Variants in SMARCA2 observed in about 807,000 individuals in gnomAD.
SMARCA2 encodes SWI/SNF-related matrix-associated actin-dependent regulator of chromatin subfamily A member 2.
Under a neutral mutation model 199.8 loss-of-function variants are expected in SMARCA2, and 61 were observed. The observed-to-expected ratio is 0.31, with a 90% CI of 0.25 to 0.38. The LOEUF is 0.38. SMARCA2 is among the 10% of genes least tolerant of loss of function. The probability of loss-of-function intolerance (pLI) is 1.00; values close to 1 mark genes in which losing one functional copy is unlikely to be tolerated. For missense variants in SMARCA2, 1,344 were observed against 2,012.2 expected (o/e 0.67, Z 6.35); for synonymous variants, 935 against 732.0 (o/e 1.28, Z -4.48).
chr9:2,184,419 C>A lies in SMARCA2; in HGVS notation c.4462-1677C>A, dbSNP rs139034972. ...CCAGGCTGGAATGCAGTGGTGCCAT[C>A]TCGGCTCGCTGCAAACTCTGCCTCC... On this transcript the variant is annotated intron_variant, in intron 31 of 33. Transcript: ENST00000349721. Among the ~76,000 whole-genome samples, 1,023 of 144,456 alleles carry A rather than the reference C, an allele frequency of 7.1e-3. 19 individuals carry two copies. The highest frequency in any genetic ancestry group is 0.025 in the African/African-American group (983 of 38,624). The allele number at this position is 144,456 out of a possible 152,430, so 94.8% of individuals were successfully genotyped here. A position where few individuals can be genotyped will look rare whatever the true frequency, so the allele number is the denominator to read the frequency against.
chr9:2,084,582 G>T (rs1317245950), intron 17 of SMARCA2, among the ~76,000 whole-genome samples: 1 of 152,140 alleles, frequency 6.6e-6, no homozygotes, highest in African/African-American at 2.4e-5. Context: ...GATATTGTCA[G>T]TGTACCTTCA....
chr9:2,092,366 A>G (rs1822097718), intron 19 of SMARCA2, among the ~76,000 whole-genome samples: 1 of 152,196 alleles, frequency 6.6e-6, no homozygotes, highest in South Asian at 2.1e-4. Context: ...ATTATATCAA[A>G]TTTTGGAATG....
intron 27 of SMARCA2, among the ~76,000 whole-genome samples, chr9:2,144,226 A>G (rs1350732379): frequency 6.6e-6 from 1 of 152,180 alleles, no homozygotes; most frequent in African/African-American, 2.4e-5. Context: ...ATGTGGTTGC[A>G]TTCCTCAGTC....
intron 9 of SMARCA2, 27 bp from the exon 10 acceptor site, chr9:2,070,391 A>G (rs779755305): frequency 5.6e-6 from 9 of 1,608,508 alleles, no homozygotes; most frequent in Non-Finnish European, 7.7e-6. Context: ...TTGGTTACTT[A>G]TAACATTCGA....
intron 9 of SMARCA2, among the ~76,000 whole-genome samples, chr9:2,064,042 T>C (rs1009798644): frequency 2.0e-5 from 3 of 152,218 alleles, no homozygotes; most frequent in South Asian, 4.1e-4. Context: ...AACCTAGTTA[T>C]ACGAAACTAA....
intron 29 of SMARCA2, among the ~76,000 whole-genome samples, chr9:2,176,061 G>C (rs1438347874): frequency 6.6e-6 from 1 of 151,470 alleles, no homozygotes; most frequent in African/African-American, 2.4e-5. Flanking sequence ...TTTTATTTTT[G>C]GTAAAGATGA....
chr9:2,167,127 G>A (rs62535617), intron 28 of SMARCA2, among the ~76,000 whole-genome samples: 30,878 of 152,026 alleles, frequency 0.2, 3,141 homozygotes, highest in South Asian at 0.28. Flanking sequence ...TTCCATTTTT[G>A]TGCTCTGTGA....
At chr9:2,020,530 G>T (rs968398633) in intron 1 of SMARCA2, among the ~76,000 whole-genome samples, 5 of 152,086 alleles carry the variant, frequency 3.3e-5, no homozygotes, top group Non-Finnish European at 7.4e-5. Flanking sequence ...CTAAAACTAT[G>T]TTCTGCCAGA....
At chr9:2,098,947 C>CAA (rs773551875) in intron 21 of SMARCA2, among the ~76,000 whole-genome samples, 2 of 89,050 alleles carry the variant, frequency 2.2e-5, no homozygotes, top group Non-Finnish European at 2.3e-5. Flanking sequence ...AACTCGGTCT[C>CAA]AAAAAAAAAA....
At chr9:2,020,982 A>G (rs945898837) in intron 1 of SMARCA2, among the ~76,000 whole-genome samples, 1 of 152,170 alleles carries the variant, frequency 6.6e-6, no homozygotes, top group Non-Finnish European at 1.5e-5. Flanking sequence ...ATGAATTAGG[A>G]TATTTTATTA....
Position 2,163,525 on chromosome 9 carries a change from G to C in SMARCA2, c.4199+1622G>C, listed in dbSNP as rs113662188. Among the ~76,000 whole-genome samples the C allele has an allele frequency of 1.6e-3, 241 of 152,272 alleles. 1 individual carries two copies. Among genetic ancestry groups the C allele is most frequent in the African/African-American group, 5.5e-3 (229 of 41,556 alleles). ...TCCCCTTGTATATTTGCCACAGAAA[G>C]GGACAGTATTCTAGAAGCCAGCTTG... On this transcript the variant is annotated intron_variant, in intron 28 of 33. Transcript: ENST00000349721.
At chr9:2,062,076 G>A (rs982840786) in intron 9 of SMARCA2, among the ~76,000 whole-genome samples, 1 of 152,154 alleles carries the variant, frequency 6.6e-6, no homozygotes, top group African/African-American at 2.4e-5. Flanking sequence ...GATGTTTTCA[G>A]AGTTAGTGAG....
At chr9:2,136,997 C>G (rs1824224048) in intron 27 of SMARCA2, among the ~76,000 whole-genome samples, 1 of 152,170 alleles carries the variant, frequency 6.6e-6, no homozygotes, top group African/African-American at 2.4e-5. Flanking sequence ...CCTCCAGACA[C>G]AGCAGGCAAC....
rs555539885 is a variant in SMARCA2 at position 2,144,038 on chromosome 9, G to A, written c.3982-17648G>A. Among the ~76,000 whole-genome samples, 293 of 151,980 alleles carry A rather than the reference G, an allele frequency of 1.9e-3. 1 individual carries two copies. The highest frequency in any genetic ancestry group is 6.5e-3 in the Admixed American group (99 of 15,252). ...CAATAACCTAGTGCAATACAGAATC[G>A]TACATACCCTTTTCATAGGGGAGCC... On this transcript the variant is annotated intron_variant, in intron 27 of 33. Transcript: ENST00000349721.
chr9:2,135,767 T>C (rs150443315), intron 27 of SMARCA2, among the ~76,000 whole-genome samples: 2,825 of 152,312 alleles, frequency 0.019, 27 homozygotes, highest in Non-Finnish European at 0.03. Context: ...GGTCTTGAAC[T>C]CCTGACCTCA....
At chr9:2,134,147 C>T (rs769055755) in intron 27 of SMARCA2, among the ~76,000 whole-genome samples, 15 of 152,170 alleles carry the variant, frequency 9.9e-5, no homozygotes, top group Non-Finnish European at 1.3e-4. Context: ...GAAGAAAATA[C>T]GTTCTCTTTT....
At chr9:2,130,003 G>C (rs1052604593) in intron 27 of SMARCA2, among the ~76,000 whole-genome samples, 1 of 152,088 alleles carries the variant, frequency 6.6e-6, no homozygotes, top group African/African-American at 2.4e-5. Context: ...ACAGGTACAT[G>C]CCACCATGCC....
At chr9:2,081,315 C>T (rs1044221907) in intron 14 of SMARCA2, among the ~76,000 whole-genome samples, 4 of 152,314 alleles carry the variant, frequency 2.6e-5, no homozygotes, top group African/African-American at 9.6e-5. Flanking sequence ...TTCCCATGTG[C>T]TGTCTGGGAA....
At chr9:2,109,234 A>G (rs1226381194) in intron 23 of SMARCA2, among the ~76,000 whole-genome samples, 1 of 152,234 alleles carries the variant, frequency 6.6e-6, no homozygotes, top group East Asian at 1.9e-4. Flanking sequence ...AGAGACTGTC[A>G]TGTAACATGC....
Sources: allele counts gnomAD v4.1 joint callset (sites outside exome capture counted in the v4.1 genomes callset), GRCh38; gene constraint gnomAD v4.1.1; transcripts MANE v1.5; gene names NCBI Gene and HGNC (gene_info 2026-07-23, HGNC 2026-07-21).